Variants in SLC7A6 observed in about 807,000 individuals in gnomAD.
The protein encoded by SLC7A6 is solute carrier family 7 member 6.
In SLC7A6, 29 loss-of-function variants were observed where a neutral mutation model predicts 46.6. That is an observed-to-expected ratio of 0.62 (90% CI 0.46 to 0.85). The LOEUF (loss-of-function observed/expected upper bound fraction) is 0.85. SLC7A6 is among the 40% of genes least tolerant of loss of function. The pLI is 0.00. For missense variants in SLC7A6, 527 were observed against 647.6 expected (o/e 0.81, Z 2.02); for synonymous variants, 276 against 257.3 (o/e 1.07, Z -0.70).
At chr16:68,276,469 A>C (rs1464058285) in intron 3 of SLC7A6, among the ~76,000 whole-genome samples, 1 of 152,164 alleles carries the variant, frequency 6.6e-6, no homozygotes. Flanking sequence ...GCCTGAGAGT[A>C]CCTTGGAGTT....
chr16:68,293,597 C>T (rs572468883), intron 7 of SLC7A6, among the ~76,000 whole-genome samples: 1 of 152,308 alleles, frequency 6.6e-6, no homozygotes, highest in South Asian at 2.1e-4. Context: ...TGTGTTTGTT[C>T]AGACTCCACA....
chr16:68,280,844 C>T (rs1044233465), intron 3 of SLC7A6, among the ~76,000 whole-genome samples: 1 of 152,162 alleles, frequency 6.6e-6, no homozygotes, highest in African/African-American at 2.4e-5. Context: ...ACGCCATTCT[C>T]CTGCGTCAGC....
intron 3 of SLC7A6, among the ~76,000 whole-genome samples, chr16:68,284,068 TGG>T (rs1164734611): frequency 6.6e-6 from 1 of 152,044 alleles, no homozygotes. Context: ...ACGAGGTGCC[TGG>T]GGTCAGCGTT....
At chr16:68,269,720 C>T (rs2042592090) in intron 2 of SLC7A6, among the ~76,000 whole-genome samples, 1 of 149,622 alleles carries the variant, frequency 6.7e-6, no homozygotes, top group African/African-American at 2.5e-5. Flanking sequence ...TACCACTGCA[C>T]TGCAGCCTGC....
chr16:68,294,716 TGG>T lies in SLC7A6; in HGVS notation c.1036_1037del (p.Gly346LeufsTer16). The T allele has an allele frequency of 6.2e-7, 1 of 1,613,228 alleles. No individual in the cohort carries two copies. On this transcript the variant is annotated frameshift_variant, in exon 8 of 11. Transcript: ENST00000219343. LOFTEE classifies it high-confidence loss of function. ...TCTCATCCTTCTAGGTTGTTCTTCG[TGG>T]GCTCCCGGGAGGGCCACCTACCGGA...
At chr16:68,287,643 T>A in intron 3 of SLC7A6, 103 bp from the exon 4 acceptor site, 1 of 1,544,328 alleles carries the variant, frequency 6.5e-7, no homozygotes, top group South Asian at 1.2e-5. Context: ...TTGGCCCCTT[T>A]GCCTTAGGCA....
chr16:68,270,684 G>A (rs2042609619), intron 2 of SLC7A6, among the ~76,000 whole-genome samples: 3 of 152,134 alleles, frequency 2.0e-5, no homozygotes, highest in Admixed American at 2.0e-4. Flanking sequence ...GCCAGACCTT[G>A]TATCTCTCTA....
chr16:68,271,667 G>A (rs1379273564), intron 2 of SLC7A6, among the ~76,000 whole-genome samples: 1 of 152,238 alleles, frequency 6.6e-6, no homozygotes, highest in African/African-American at 2.4e-5. Context: ...GTGTAGCCAA[G>A]CCAGCCTGGG....
At chr16:68,268,540 T>C (rs542528227) in intron 2 of SLC7A6, among the ~76,000 whole-genome samples, 118 of 152,346 alleles carry the variant, frequency 7.7e-4, no homozygotes, top group African/African-American at 2.8e-3. Context: ...GTAATCGAGC[T>C]TTTCCCCCCT....
intron 7 of SLC7A6, among the ~76,000 whole-genome samples, chr16:68,293,017 A>G (rs1010226867): frequency 1.3e-5 from 2 of 152,206 alleles, no homozygotes; most frequent in African/African-American, 4.8e-5. Flanking sequence ...AAAATAAGAG[A>G]GAGTTTTGTC....
At chr16:68,286,992 CTTTT>C (rs202243477) in intron 3 of SLC7A6, among the ~76,000 whole-genome samples, 4 of 138,182 alleles carry the variant, frequency 2.9e-5, no homozygotes, top group Admixed American at 7.3e-5. Flanking sequence ...TCTTTTTCTC[CTTTT>C]TTTTTTTTTT....
At chr16:68,283,806 G>C (rs914994416) in intron 3 of SLC7A6, among the ~76,000 whole-genome samples, 17 of 152,222 alleles carry the variant, frequency 1.1e-4, no homozygotes, top group Admixed American at 5.9e-4. Flanking sequence ...AGGCTTGGAT[G>C]TTTTAATTGT....
At chr16:68,290,246 T>C in intron 4 of SLC7A6, 150 bp from the exon 5 acceptor site, 2 of 775,114 alleles carry the variant, frequency 2.6e-6, no homozygotes, top group Non-Finnish European at 4.0e-6. Context: ...TTTTTCTTTC[T>C]TGTTCCTCCC....
intron 4 of SLC7A6, among the ~76,000 whole-genome samples, chr16:68,288,692 A>G (rs1054267091): frequency 6.6e-6 from 1 of 151,914 alleles, no homozygotes; most frequent in Non-Finnish European, 1.5e-5. Context: ...TTGGCCCGGC[A>G]CGGTGGCTCA....
At chr16:68,286,091 CAAAA>C (rs1165671231) in intron 3 of SLC7A6, among the ~76,000 whole-genome samples, 3 of 44,236 alleles carry the variant, frequency 6.8e-5, no homozygotes, top group African/African-American at 1.8e-4. Flanking sequence ...GACCCTGTCT[CAAAA>C]AAAAAAAAAA....
At chr16:68,291,870 C>G in intron 7 of SLC7A6, 1 of 555,046 alleles carries the variant, frequency 1.8e-6, no homozygotes. Context: ...ATGTTTCCAT[C>G]TGAGGTGAGG....
rs201845831 is a variant in SLC7A6 at position 68,298,247 on chromosome 16, TTC to T, written c.*921_*922del. 1,609 of 152,760 alleles carry T rather than the reference TTC, an allele frequency of 0.011. 17 individuals carry two copies. Among genetic ancestry groups the T allele is most frequent in the South Asian group, 0.045 (217 of 4,830 alleles). 9.5% of individuals were successfully genotyped at this position (152,760 alleles called of 1,614,324 possible). On this transcript the variant is annotated 3_prime_UTR_variant, in exon 11 of 11. Coordinates refer to ENST00000219343, the MANE Select transcript of SLC7A6 (RefSeq NM_003983.6). ...TCTAGCTGACAGTAAATCTCTGGGTTTCTGTTACGAACTCTAAGAGGGCTGAA... is the reference window on the plus strand; with the variant it reads ...TCTAGCTGACAGTAAATCTCTGGGTTTGTTACGAACTCTAAGAGGGCTGAA...
In SLC7A6 at chr16:68,301,203, A is replaced by C. The variant is rs747495232; in HGVS notation, c.*3875A>C. 51 of 1,558,034 alleles carry C rather than the reference A, an allele frequency of 3.3e-5. No individual in the cohort carries two copies. Among genetic ancestry groups the C allele is most frequent in the Non-Finnish European group, 4.3e-5 (49 of 1,147,236 alleles). ...AAGCTAGGAAACCTAACAGGATGTC[A>C]GCAGGGCAGTTAACTCTGGACTCAG... On this transcript the variant is annotated 3_prime_UTR_variant, in exon 11 of 11. Transcript: ENST00000219343.
rs377210950 is a variant in SLC7A6 at position 68,283,562 on chromosome 16, TA to T, written c.524-4180del. 1.1e-3 allele frequency among the ~76,000 whole-genome samples: 165 copies of T among 145,928 alleles called. 1 individual carries two copies. The highest frequency in any genetic ancestry group is 4.2e-3 in the African/African-American group (165 of 39,274). On this transcript the variant is annotated intron_variant, in intron 3 of 10. Coordinates refer to ENST00000219343, the MANE Select transcript of SLC7A6 (RefSeq NM_003983.6). ...TATTTTGGACAGCCATGCCTTCAGCTAAAATTTCTATTACGAATGAAAAAGG... is the reference window on the plus strand; with the variant it reads ...TATTTTGGACAGCCATGCCTTCAGCTAAATTTCTATTACGAATGAAAAAGG...
Sources: gnomAD v4.1 joint callset for allele counts (sites outside exome capture counted in the v4.1 genomes callset) on GRCh38, gnomAD v4.1.1 for gene constraint, MANE v1.5 for transcripts, NCBI Gene and HGNC (gene_info 2026-07-23, HGNC 2026-07-21) for gene names.